Variants in DNMT3L observed in about 807,000 individuals in gnomAD.
The protein encoded by DNMT3L is DNA (cytosine-5)-methyltransferase 3-like.
In DNMT3L, 33 loss-of-function variants were observed where a neutral mutation model predicts 36.2. The observed-to-expected ratio is 0.91, with a 90% CI of 0.69 to 1.22. The LOEUF is 1.22. DNMT3L is among the 50% of genes most tolerant of loss of function. DNMT3L has a pLI of 0.00. For synonymous variants in DNMT3L, 117 were observed against 121.7 expected, an observed-to-expected ratio of 0.96 and a Z score of 0.26; for missense variants, 310 against 303.1, an observed-to-expected ratio of 1.02 and a Z score of -0.17.
rs537908743 is a variant in DNMT3L, at chr21:44,257,885, A to G, written c.516+638T>C. Among the ~76,000 whole-genome samples the G allele has an allele frequency of 6.6e-5, 10 of 152,140 alleles. No homozygotes were observed. The East Asian group carries it at 1.6e-3, about 24-fold the overall frequency. On this transcript the variant is annotated intron_variant, in intron 6 of 11. Transcript: ENST00000628202. Reference sequence around the variant, plus strand: ...CCAGCTCCTGGGGCTGCTGGCACCCATGGCTGGTGGACACCTCACTCCAGT... The same window carrying G: ...CCAGCTCCTGGGGCTGCTGGCACCCGTGGCTGGTGGACACCTCACTCCAGT...
In DNMT3L at chr21:44,259,797, A is replaced by G; in HGVS notation, c.152-86T>C. The G allele has an allele frequency of 1.4e-5, 20 of 1,395,694 alleles. No individual in the cohort carries two copies. The South Asian group carries it at 2.5e-4, about 17-fold the overall frequency. The allele number at this position is 1,395,694 out of a possible 1,614,324, so 86.5% of individuals were successfully genotyped here. A position where few individuals can be genotyped will look rare whatever the true frequency, so the allele number is the denominator to read the frequency against. ...TAGGAATAAATTTAGCCAAACAAAT[A>G]TGAGACTTATACACTGAAAACTGCA... is the stretch of plus-strand genomic sequence containing the variant. On this transcript the variant is annotated intron_variant, in intron 3 of 11. Coordinates refer to ENST00000628202, the MANE Select transcript of DNMT3L (RefSeq NM_175867.3).
At chr21:44,256,190 G>T (rs765114024) in intron 6 of DNMT3L, 36 bp from the exon 7 acceptor site, 4 of 1,603,066 alleles carry the variant, frequency 2.5e-6, no homozygotes, top group South Asian at 1.1e-5. Flanking sequence ...ACATTGTGCC[G>T]GCTACTTGGC....
chr21:44,255,712 C>G (rs11909312), intron 7 of DNMT3L, among the ~76,000 whole-genome samples: 152 of 152,278 alleles, frequency 1.0e-3, no homozygotes, highest in African/African-American at 3.5e-3. Context: ...GCTGTGCAGG[C>G]GCTGCGGGAT....
intron 3 of DNMT3L, 64 bp downstream of exon 3, chr21:44,260,731 T>C: frequency 6.2e-7 from 1 of 1,606,914 alleles, no homozygotes; most frequent in Non-Finnish European, 8.5e-7. Context: ...GTGCTGGGAT[T>C]ATAGGTGTGA....
At chr21:44,259,292 A>G in intron 5 of DNMT3L, 145 bp downstream of exon 5, 3 of 830,644 alleles carry the variant, frequency 3.6e-6, no homozygotes, top group African/African-American at 1.7e-5. Flanking sequence ...CTCTATGCCA[A>G]ATGACGCATT....
rs186462492 is a variant in DNMT3L at position 44,254,994 on chromosome 21, T to G, written c.605-289A>C. Among the ~76,000 whole-genome samples the G allele has an allele frequency of 3.4e-3, 514 of 152,008 alleles. 3 individuals carry two copies. Among genetic ancestry groups the G allele is most frequent in the Non-Finnish European group, 5.4e-3 (369 of 67,964 alleles). ...GCATGTGCCACCACGCCCGGCTAAT[T>G]TTTTTGTATTTTTAGTAGACACAGG... On this transcript the variant is annotated intron_variant, in intron 7 of 11. Transcript: ENST00000628202.
intron 3 of DNMT3L, 127 bp from the exon 4 acceptor site, chr21:44,259,838 A>T: frequency 1.0e-6 from 1 of 975,466 alleles, no homozygotes; most frequent in Non-Finnish European, 1.6e-6. Context: ...TTGTTGGAAG[A>T]TGTTAAGGAA....
chr21:44,261,558 G>A (rs546345278), intron 1 of DNMT3L, among the ~76,000 whole-genome samples, 182 bp downstream of exon 1: 33 of 152,256 alleles, frequency 2.2e-4, no homozygotes, highest in African/African-American at 7.7e-4. Flanking sequence ...CCCTCATGAG[G>A]ACCTGGGGCC....
At chr21:44,255,830 C>T (rs1466892410) in intron 7 of DNMT3L, among the ~76,000 whole-genome samples, 1 of 152,296 alleles carries the variant, frequency 6.6e-6, no homozygotes, top group East Asian at 1.9e-4. Context: ...CCCTAACGGC[C>T]AGAGGAGAGG....
chr21:44,256,203 C>T (rs1025129988), intron 6 of DNMT3L, 49 bp from the exon 7 acceptor site: 1 of 1,590,414 alleles, frequency 6.3e-7, no homozygotes, highest in African/African-American at 1.3e-5. Flanking sequence ...TACTTGGCTA[C>T]AGAGCCCTTG....
intron 8 of DNMT3L, among the ~76,000 whole-genome samples, chr21:44,253,587 C>T (rs750575841): frequency 2.0e-5 from 3 of 152,054 alleles, no homozygotes; most frequent in African/African-American, 4.8e-5. Flanking sequence ...GGCATGGTGG[C>T]GGGTGCCTGT....
At chr21:44,257,125 A>G (rs2040265799) in intron 6 of DNMT3L, among the ~76,000 whole-genome samples, 1 of 152,224 alleles carries the variant, frequency 6.6e-6, no homozygotes, top group Admixed American at 6.5e-5. Context: ...CATGCCTGTC[A>G]TCCCAGCATT....
Position 44,258,502 on chromosome 21 carries a change from G to T in DNMT3L, c.516+21C>A. 1 of 1,533,992 alleles carries T rather than the reference G, an allele frequency of 6.5e-7. No individual in the cohort carries two copies. Among genetic ancestry groups the T allele is most frequent in the Non-Finnish European group, 8.8e-7 (1 of 1,135,628 alleles). On this transcript the variant is annotated intron_variant, in intron 6 of 11. Coordinates refer to ENST00000628202, the MANE Select transcript of DNMT3L (RefSeq NM_175867.3). This position sits in a 1 kb window ranked among gnomAD's most constrained non-coding sequence, Gnocchi z 6.2. ...TCAGGGCCTGCTGCTGCCGGGTGCTGCCCCTCCACGGGCTCCTTACCGACT... is the reference window on the plus strand; with the variant it reads ...TCAGGGCCTGCTGCTGCCGGGTGCTTCCCCTCCACGGGCTCCTTACCGACT...
rs1165441485 is a variant in DNMT3L, at chr21:44,260,870, C to T, written c.107-31G>A. The T allele has an allele frequency of 3.1e-6, 5 of 1,612,686 alleles. No individual in the cohort carries two copies. In the Admixed American group the frequency reaches 5.0e-5, roughly 16 times the overall value. Reference sequence around the variant, plus strand: ...AAGGAAGATAAGAAGTAGCCCCTTTCTTCTTCCTCTGATCTCTTAATTTAA... The same window carrying T: ...AAGGAAGATAAGAAGTAGCCCCTTTTTTCTTCCTCTGATCTCTTAATTTAA... On this transcript the variant is annotated intron_variant, in intron 2 of 11. Coordinates refer to ENST00000628202, the MANE Select transcript of DNMT3L (RefSeq NM_175867.3).
chr21:44,254,704 C>T lies in DNMT3L; in HGVS notation c.606G>A (p.Glu202=). 6.2e-7 allele frequency: 1 copy of T among 1,613,940 alleles called. No homozygotes were observed. The highest frequency in any genetic ancestry group is 2.2e-5 in the East Asian group (1 of 44,874). The change falls in exon 8 of 12, where the codon GAG becomes GAA. Residue 202 remains glutamate (E), a splice_region_variant and synonymous_variant. Transcript: ENST00000628202. ...TTTCCAAAAAGCCCAAACTCGTCAG[C>T]TCTGGATGGGGAGAGACCAGAAGGG... ...VLSLFEDIKK[E]LTSLGFLESG... is the part of the protein sequence containing the mutation.
chr21:44,259,975 G>A (rs1184253727), intron 3 of DNMT3L, among the ~76,000 whole-genome samples: 1 of 147,124 alleles, frequency 6.8e-6, no homozygotes, highest in Non-Finnish European at 1.5e-5. Context: ...CTTGAACCTG[G>A]TAGACAGAGG....
In DNMT3L at chr21:44,258,421, G is replaced by A. The variant is rs762562071; in HGVS notation, c.516+102C>T. ...AGTGTTTGCTCCCGAGGCTGCAGCC[G>A]TGGTGCCCGTCGGCGCGCCTGCATT... On this transcript the variant is annotated intron_variant, in intron 6 of 11. Coordinates refer to ENST00000628202, the MANE Select transcript of DNMT3L (RefSeq NM_175867.3). The surrounding 1 kb of genome is among the most constrained non-coding windows in gnomAD (Gnocchi z 6.2). 1.8e-5 allele frequency: 26 copies of A among 1,421,864 alleles called. No individual in the cohort carries two copies. The highest frequency in any genetic ancestry group is 5.2e-5 in the East Asian group (2 of 38,572). The allele number at this position is 1,421,864 out of a possible 1,614,324, so 88.1% of individuals were successfully genotyped here.
intron 1 of DNMT3L, 54 bp from the exon 2 acceptor site, chr21:44,261,320 A>T: frequency 6.5e-7 from 1 of 1,529,682 alleles, no homozygotes; most frequent in Non-Finnish European, 9.0e-7. Context: ...CCCTGCTCAG[A>T]TCCCTGATGC....
chr21:44,261,048 T>C, intron 2 of DNMT3L, 106 bp downstream of exon 2: 1 of 1,445,990 alleles, frequency 6.9e-7, no homozygotes, highest in Non-Finnish European at 9.5e-7. Flanking sequence ...CCAGCCCGGG[T>C]GCCTGAATAA....
Sources: gnomAD v4.1 joint callset for allele counts (sites outside exome capture counted in the v4.1 genomes callset) on GRCh38, gnomAD v4.1.1 for gene constraint, Gnocchi (gnomAD v3.1) non-coding constraint, MANE v1.5 for transcripts, NCBI Gene and HGNC (gene_info 2026-07-23, HGNC 2026-07-21) for gene names.